Variants in EXD1 observed in about 807,000 individuals in gnomAD.
EXD1 encodes the protein piRNA biogenesis protein EXD1.
A neutral mutation model predicts 49.1 loss-of-function variants in EXD1; 63 were observed. That is an observed-to-expected ratio of 1.28 (90% CI 1.05 to 1.58). The LOEUF is 1.58. Among genes scored for constraint, EXD1 ranks in the 40% most tolerant of loss-of-function variants. The pLI, the probability that EXD1 is intolerant of heterozygous loss-of-function variation, is 0.00. For missense variants in EXD1, 748 were observed against 666.0 expected (o/e 1.12, Z -1.36); for synonymous variants, 234 against 239.2 (o/e 0.98, Z 0.20).
In EXD1 at chr15:41,189,849, T is replaced by C. The variant is rs1225532187; in HGVS notation, c.1056+88A>G. On this transcript the variant is annotated intron_variant, in intron 11 of 11. Transcript: ENST00000458580. ...ATCCCCAAGTTGACCCCATGAAAAC[T>C]ATCGCAGCTATGAAGAAAGGGTATC... 4 of 1,335,700 alleles carry C rather than the reference T, an allele frequency of 3.0e-6. No homozygotes were observed. The Admixed American group carries it at 6.0e-5, about 20-fold the overall frequency. 82.7% of individuals were successfully genotyped at this position (1,335,700 alleles called of 1,614,324 possible). A position where few individuals can be genotyped will look rare whatever the true frequency, so the allele number is the denominator to read the frequency against.
At chr15:41,222,007 G>C (rs1486260253) in intron 2 of EXD1, among the ~76,000 whole-genome samples, 2 of 152,044 alleles carry the variant, frequency 1.3e-5, no homozygotes, top group East Asian at 1.9e-4. Context: ...GGCTGAGGTA[G>C]AAGAATTGCT....
intron 6 of EXD1, among the ~76,000 whole-genome samples, chr15:41,213,584 C>A (rs75089920): frequency 6.6e-6 from 1 of 151,552 alleles, no homozygotes; most frequent in African/African-American, 2.4e-5. Context: ...GGCATGATCT[C>A]GGCTCACTGT....
intron 7 of EXD1, among the ~76,000 whole-genome samples, chr15:41,202,458 T>C (rs980214402): frequency 2.6e-5 from 4 of 152,040 alleles, no homozygotes; most frequent in African/African-American, 9.7e-5. Flanking sequence ...ATTACAGGTG[T>C]GAGCCACCGC....
chr15:41,215,244 G>A (rs994860883), intron 6 of EXD1, among the ~76,000 whole-genome samples: 34 of 152,092 alleles, frequency 2.2e-4, no homozygotes, highest in Non-Finnish European at 3.4e-4. Flanking sequence ...TTATTGTCTT[G>A]CATTAGAATA....
At chr15:41,222,575 A>C (rs1023624490) in intron 2 of EXD1, among the ~76,000 whole-genome samples, 5 of 151,664 alleles carry the variant, frequency 3.3e-5, no homozygotes, top group Non-Finnish European at 7.4e-5. Flanking sequence ...ATCAGAGAGG[A>C]TCTCACACTC....
chr15:41,222,147 G>T (rs2047098157), intron 2 of EXD1, among the ~76,000 whole-genome samples: 1 of 152,106 alleles, frequency 6.6e-6, no homozygotes. Flanking sequence ...AGGCACGGTG[G>T]CTCATGCCTG....
In EXD1 at chr15:41,191,357, C is replaced by A. The variant is rs2046511836; in HGVS notation, c.864+85G>T. 17 of 1,291,490 alleles carry A rather than the reference C, an allele frequency of 1.3e-5. No individual in the cohort carries two copies. In the Admixed American group the frequency reaches 3.4e-4, roughly 26 times the overall value. 80.0% of individuals were successfully genotyped at this position (1,291,490 alleles called of 1,614,324 possible). ...GTTCATATGATAACATGGCAGCTGT[C>A]ATTTTTCTACATAACAGGCTGATAA... On this transcript the variant is annotated intron_variant, in intron 10 of 11. Coordinates refer to ENST00000458580, the MANE Select transcript of EXD1 (RefSeq NM_001286441.2).
At chr15:41,206,088 G>A (rs1425083434) in intron 7 of EXD1, among the ~76,000 whole-genome samples, 3 of 151,972 alleles carry the variant, frequency 2.0e-5, no homozygotes, top group Non-Finnish European at 4.4e-5. Context: ...CAATAAAGGA[G>A]CAAAATCTTT....
intron 7 of EXD1, among the ~76,000 whole-genome samples, chr15:41,196,294 C>T (rs1457350753): frequency 2.7e-5 from 4 of 147,582 alleles, no homozygotes; most frequent in Admixed American, 2.1e-4. Flanking sequence ...TACAGGCATG[C>T]GGCACCACGC....
At chr15:41,202,917 CAA>C (rs1167336132) in intron 7 of EXD1, among the ~76,000 whole-genome samples, 29,454 of 89,082 alleles carry the variant, frequency 0.33, 2,496 homozygotes, top group Non-Finnish European at 0.36. Context: ...GACTCTGTCT[CAA>C]AAAAAAAAAA....
At chr15:41,191,402 G>GA (rs763729518) in intron 10 of EXD1, 40 bp downstream of exon 10, 40 of 1,554,664 alleles carry the variant, frequency 2.6e-5, no homozygotes, top group Middle Eastern at 1.7e-4. Context: ...GAAAACACTT[G>GA]AAAAAAAATA....
chr15:41,187,963 C>T (rs1028866389), intron 11 of EXD1, among the ~76,000 whole-genome samples: 3 of 143,024 alleles, frequency 2.1e-5, no homozygotes, highest in Non-Finnish European at 3.0e-5. Flanking sequence ...TGTAGTGAGC[C>T]GGTATCACAC....
chr15:41,199,732 T>TATATAATATATC lies in EXD1; in HGVS notation c.535-3696_535-3695insGATATATTATAT, dbSNP rs1566980628. Among the ~76,000 whole-genome samples the TATATAATATATC allele has an allele frequency of 1.4e-4, 11 of 78,814 alleles. 1 individual carries two copies. Among genetic ancestry groups the TATATAATATATC allele is most frequent in the Admixed American group, 6.5e-4 (4 of 6,122 alleles). The allele number at this position is 78,814 out of a possible 152,430, so 51.7% of individuals were successfully genotyped here. On this transcript the variant is annotated intron_variant, in intron 7 of 11. Transcript: ENST00000458580. ...CATATATATGATATATTATATATGA[T>TATATAATATATC]ATATATGTCATATATTATATATGAT...
intron 1 of EXD1, among the ~76,000 whole-genome samples, chr15:41,228,041 ACT>A (rs1231967096): frequency 1.3e-5 from 2 of 152,166 alleles, no homozygotes; most frequent in Non-Finnish European, 2.9e-5. Context: ...CAAGAGTGAA[ACT>A]CTGTCTCAAA....
At chr15:41,211,697 C>T (rs1024301015) in intron 6 of EXD1, among the ~76,000 whole-genome samples, 3 of 150,982 alleles carry the variant, frequency 2.0e-5, no homozygotes, top group East Asian at 2.0e-4. Flanking sequence ...CAGTGGCTCA[C>T]GCCTGTAATC....
chr15:41,191,900 C>T (rs1272686531), intron 9 of EXD1: 1 of 222,950 alleles, frequency 4.5e-6, no homozygotes, highest in Admixed American at 5.4e-5. Flanking sequence ...CCTCAGCCAC[C>T]CGAGTAGCTG....
rs186865726 is a variant in EXD1, at chr15:41,221,822, G to C, written c.134-1924C>G. Among the ~76,000 whole-genome samples the C allele has an allele frequency of 3.8e-3, 585 of 152,054 alleles. 4 individuals are homozygous for C. Among genetic ancestry groups the C allele is most frequent in the South Asian group, 0.022 (105 of 4,822 alleles). On this transcript the variant is annotated intron_variant, in intron 2 of 11. Transcript: ENST00000458580. ...TTCAACTAAGAACAGACTTACTAAGGCCAAGCGCGGTGGTTCACGCCTGTA... is the reference window on the plus strand; with the variant it reads ...TTCAACTAAGAACAGACTTACTAAGCCCAAGCGCGGTGGTTCACGCCTGTA...
At chr15:41,212,231 C>G (rs1254091646) in intron 6 of EXD1, among the ~76,000 whole-genome samples, 1 of 151,936 alleles carries the variant, frequency 6.6e-6, no homozygotes. Context: ...GGGCAGATCA[C>G]GAGGTAAGGA....
intron 7 of EXD1, among the ~76,000 whole-genome samples, chr15:41,198,369 T>C (rs982565618): frequency 1.3e-5 from 2 of 152,146 alleles, no homozygotes; most frequent in Non-Finnish European, 2.9e-5. Context: ...TAATCATTTA[T>C]GCCTACATAA....
Sources: gnomAD v4.1 joint callset for allele counts (sites outside exome capture counted in the v4.1 genomes callset) on GRCh38, gnomAD v4.1.1 for gene constraint, MANE v1.5 for transcripts, NCBI Gene and HGNC (gene_info 2026-07-23, HGNC 2026-07-21) for gene names.